Variants in SENP3 observed in about 807,000 individuals in gnomAD.
The protein encoded by SENP3 is SUMO specific peptidase 3.
SENP3 carries 11 observed loss-of-function variants against 66.2 expected under a neutral mutation model. The ratio of observed to expected loss-of-function variants is 0.17; its 90% CI spans 0.10 to 0.28. The LOEUF (loss-of-function observed/expected upper bound fraction) is 0.28, where lower values mean the gene tolerates loss of function less well. SENP3 is among the 10% of genes least tolerant of loss of function. SENP3 has a pLI of 1.00. For missense variants in SENP3, 548 were observed against 743.7 expected (o/e 0.74, Z 3.06); for synonymous variants, 292 against 277.6 (o/e 1.05, Z -0.52).
In SENP3 at chr17:7,563,406, G is replaced by GCGGCGCCC; in HGVS notation, c.331_332insGGCGCCCC (p.Pro111ArgfsTer23). The stretch of plus-strand genomic sequence containing the variant: ...GGAGTCAGCTGGGAACCTCCCAGCG[G>GCGGCGCCC]CCCCGCCCTTCCCGCCCCACTCATC... On this transcript the variant is annotated frameshift_variant, in exon 2 of 11. Transcript: ENST00000321337. LOFTEE classifies it high-confidence loss of function. 1.3e-6 allele frequency: 2 copies of GCGGCGCCC among 1,547,590 alleles called. No individual in the cohort carries two copies. The highest frequency in any genetic ancestry group is 1.7e-6 in the Non-Finnish European group (2 of 1,144,086).
intron 6 of SENP3, 110 bp from the exon 7 acceptor site, chr17:7,566,817 A>G: frequency 1.2e-6 from 1 of 834,710 alleles, no homozygotes; most frequent in Non-Finnish European, 2.0e-6. Flanking sequence ...CAAAAAAAAA[A>G]GAAAAAACCC....
rs1257131333 is a variant in SENP3 at position 7,563,478 on chromosome 17, G to A, written c.402G>A (p.Arg134=). Residue 134 remains arginine (R), a synonymous_variant, in exon 2 of 11, where the codon CGG becomes CGA. Coordinates refer to ENST00000321337, the MANE Select transcript of SENP3 (RefSeq NM_015670.6). ...QRRRRAMRAF[R]MLLYSKSTSL... is the part of the protein sequence containing the mutation. ...GCCGCCGAGCCATGAGAGCCTTCCGGATGCTGCTCTACTCAAAAAGCACCT... is the reference window on the plus strand; with the variant it reads ...GCCGCCGAGCCATGAGAGCCTTCCGAATGCTGCTCTACTCAAAAAGCACCT... The A allele has an allele frequency of 6.5e-7, 1 of 1,547,900 alleles. No homozygotes were observed. Among genetic ancestry groups the A allele is most frequent in the Non-Finnish European group, 8.7e-7 (1 of 1,145,566 alleles).
At chr17:7,565,180 G>T in intron 4 of SENP3, 110 bp downstream of exon 4, 2 of 933,440 alleles carry the variant, frequency 2.1e-6, no homozygotes, top group Non-Finnish European at 3.3e-6. Flanking sequence ...GGAAGCTAGA[G>T]CTGAAGGGGA....
rs750666585 is a variant in SENP3 at position 7,564,652 on chromosome 17, G to T, written c.743G>T (p.Gly248Val). The change falls in exon 3 of 11, where the codon GGT becomes GTT. Residue 248 changes from glycine to valine, a missense_variant. Around this residue, in one of 6 missense-constraint regions of SENP3, gnomAD observed 215 missense variants for 230.7 expected, o/e 0.93. Transcript: ENST00000321337. ...CTCCTTTCATGTACTCTGCCCAACGGTTTTGGGGGACAATCTGGGCCAGAA... is the reference window on the plus strand; with the variant it reads ...CTCCTTTCATGTACTCTGCCCAACGTTTTTGGGGGACAATCTGGGCCAGAA... ...SGLLSCTLPNGFGGQSGPEGE... is the reference protein window; with the variant it reads ...SGLLSCTLPNVFGGQSGPEGE... The T allele has an allele frequency of 1.9e-6, 3 of 1,613,994 alleles. No homozygotes were observed. In the East Asian group the frequency reaches 6.7e-5, roughly 36 times the overall value.
Position 7,570,802 on chromosome 17 carries a change from GGA to G in SENP3, c.1563+39_1563+40del. On this transcript the variant is annotated intron_variant, in intron 9 of 10. Transcript: ENST00000321337. The surrounding 1 kb of genome is among the most constrained non-coding windows in gnomAD (Gnocchi z 5.4). ...AGGGAGGGGTATAGGGTGTTGGTGG[GGA>G]CAGTGGTAGAAGGCAGAAATTGAAG... The G allele has an allele frequency of 6.2e-7, 1 of 1,603,512 alleles. No homozygotes were observed. Among genetic ancestry groups the G allele is most frequent in the South Asian group, 1.1e-5 (1 of 89,876 alleles).
intron 5 of SENP3, 51 bp downstream of exon 5, chr17:7,565,638 G>A (rs1399962178): frequency 6.2e-7 from 1 of 1,613,262 alleles, no homozygotes; most frequent in Non-Finnish European, 8.5e-7. Context: ...GGAGCAGGGT[G>A]TCTGGGGCCC....
intron 7 of SENP3, among the ~76,000 whole-genome samples, chr17:7,569,034 T>C (rs2071290023): frequency 6.6e-6 from 1 of 152,198 alleles, no homozygotes; most frequent in South Asian, 2.1e-4. Flanking sequence ...CACAAACACT[T>C]CTTGGTGACC....
rs2071228390 is a variant in SENP3 at position 7,562,660 on chromosome 17, T to G, written c.-12+397T>G. ...GAACTGTCTCCCATTCCAGTCCAGT[T>G]TCCACGTGCAAGTTGCATTCTCCTC... On this transcript the variant is annotated intron_variant, in intron 1 of 10. Transcript: ENST00000321337. The surrounding 1 kb of genome is among the most constrained non-coding windows in gnomAD (Gnocchi z 5.0). 6.6e-6 allele frequency among the ~76,000 whole-genome samples: 1 copy of G among 152,200 alleles called. No individual in the cohort carries two copies. The highest frequency in any genetic ancestry group is 2.1e-4 in the South Asian group (1 of 4,820).
Position 7,562,994 on chromosome 17 carries a change from G to A in SENP3, c.-11-72G>A. 2 of 1,353,580 alleles carry A rather than the reference G, an allele frequency of 1.5e-6. No homozygotes were observed. The highest frequency in any genetic ancestry group is 1.5e-5 in the African/African-American group (1 of 66,206). The allele number at this position is 1,353,580 out of a possible 1,614,324, so 83.8% of individuals were successfully genotyped here. ...TTGCATCTGAATCCAGAGGAGGCAT[G>A]GCCAGGAAGAGAGGCAGGATCTGCG... On this transcript the variant is annotated intron_variant, in intron 1 of 10. Coordinates refer to ENST00000321337, the MANE Select transcript of SENP3 (RefSeq NM_015670.6). This position sits in a 1 kb window ranked among gnomAD's most constrained non-coding sequence, Gnocchi z 5.0.
chr17:7,565,425 C>T lies in SENP3; in HGVS notation c.1068-15C>T, dbSNP rs768962617. The T allele has an allele frequency of 1.2e-6, 2 of 1,613,152 alleles. No homozygotes were observed. The highest frequency in any genetic ancestry group is 2.2e-5 in the South Asian group (2 of 90,824). On this transcript the variant is annotated splice_polypyrimidine_tract_variant and intron_variant, in intron 4 of 10. Transcript: ENST00000321337. ...TGCATCATCTTTTGTGTGACTCCACCCTTGGCCTACTCAGGAAGGGCCTGG... is the reference window on the plus strand; with the variant it reads ...TGCATCATCTTTTGTGTGACTCCACTCTTGGCCTACTCAGGAAGGGCCTGG...
chr17:7,568,515 G>A (rs2071285456), intron 7 of SENP3, among the ~76,000 whole-genome samples: 1 of 152,162 alleles, frequency 6.6e-6, no homozygotes. Context: ...CTTGAACCCG[G>A]GAGGCAGAGG....
chr17:7,567,467 C>T lies in SENP3; in HGVS notation c.1341+463C>T, dbSNP rs180684211. ...CTGGGAGGCAGAGGTTGCAGTGAGCCGAGACCCCGCCATTGCACTCCAGCC... is the reference window on the plus strand; with the variant it reads ...CTGGGAGGCAGAGGTTGCAGTGAGCTGAGACCCCGCCATTGCACTCCAGCC... On this transcript the variant is annotated intron_variant, in intron 7 of 10. Transcript: ENST00000321337. Among the ~76,000 whole-genome samples the T allele has an allele frequency of 3.4e-3, 517 of 151,220 alleles. 1 individual carries two copies. Among genetic ancestry groups the T allele is most frequent in the Non-Finnish European group, 5.2e-3 (356 of 67,870 alleles).
At chr17:7,568,735 G>A (rs532776955) in intron 7 of SENP3, among the ~76,000 whole-genome samples, 1 of 152,276 alleles carries the variant, frequency 6.6e-6, no homozygotes, top group Non-Finnish European at 1.5e-5. Context: ...ACTACCCTTT[G>A]TTAATAAACT....
intron 5 of SENP3, 61 bp from the exon 6 acceptor site, chr17:7,565,656 G>A: frequency 6.2e-7 from 1 of 1,612,860 alleles, no homozygotes; most frequent in South Asian, 1.1e-5. Context: ...CCCTCTGCAT[G>A]GGGGAGCCCT....
chr17:7,563,396 C>T lies in SENP3; in HGVS notation c.320C>T (p.Thr107Ile), dbSNP rs1567727995. The T allele has an allele frequency of 1.3e-6, 2 of 1,550,904 alleles. No individual in the cohort carries two copies. Among genetic ancestry groups the T allele is most frequent in the Non-Finnish European group, 1.7e-6 (2 of 1,146,964 alleles). The change falls in exon 2 of 11, where the codon ACC becomes ATC. Residue 107 changes from threonine to isoleucine, a missense_variant. Thr to Ile is a moderately conservative substitution (Grantham distance 89). Around this residue, in one of 6 missense-constraint regions of SENP3, gnomAD observed 164 missense variants for 167.9 expected, o/e 0.98. Coordinates refer to ENST00000321337, the MANE Select transcript of SENP3 (RefSeq NM_015670.6). ...CCCCCAAGATGGAGTCAGCTGGGAA[C>T]CTCCCAGCGGCCCCGCCCTTCCCGC... The part of the protein sequence containing the change: ...RLPPRWSQLG[T>I]SQRPRPSRPT...
At chr17:7,568,506 T>G (rs991896440) in intron 7 of SENP3, among the ~76,000 whole-genome samples, 2 of 152,046 alleles carry the variant, frequency 1.3e-5, no homozygotes, top group African/African-American at 2.4e-5. Context: ...GGAGAATCGC[T>G]TGAACCCGGG....
chr17:7,566,851 G>T, intron 6 of SENP3, 76 bp from the exon 7 acceptor site: 2 of 1,048,014 alleles, frequency 1.9e-6, no homozygotes, highest in Non-Finnish European at 2.9e-6. Context: ...ACTGTCAGTG[G>T]ACTGAGGAGG....
Position 7,571,866 on chromosome 17 carries a change from T to C in SENP3, c.*383T>C, listed in dbSNP as rs866764418. 2 of 5,622 alleles carry C rather than the reference T, an allele frequency of 3.6e-4. No homozygotes were observed. The highest frequency in any genetic ancestry group is 1.0e-3 in the African/African-American group (2 of 1,966). 0.3% of individuals were successfully genotyped at this position (5,622 alleles called of 1,614,324 possible). A position where few individuals can be genotyped will look rare whatever the true frequency, so the allele number is the denominator to read the frequency against. ...ATATATATATATATATATATATATA[T>C]ATATATATATATATATATATATATA... On this transcript the variant is annotated 3_prime_UTR_variant, in exon 11 of 11. Transcript: ENST00000321337.
chr17:7,563,350 G>A lies in SENP3; in HGVS notation c.274G>A (p.Glu92Lys), dbSNP rs375097225. 53 of 1,551,970 alleles carry A rather than the reference G, an allele frequency of 3.4e-5. No individual in the cohort carries two copies. The African/African-American group carries it at 5.5e-4, about 16-fold the overall frequency. Residue 92 changes from glutamate (E) to lysine (K), a missense_variant, in exon 2 of 11, where the codon GAA (glutamate) becomes AAA (lysine). This residue lies in a region of SENP3 where 164 missense variants were observed against 167.9 expected (regional missense o/e 0.98). Coordinates refer to ENST00000321337, the MANE Select transcript of SENP3 (RefSeq NM_015670.6). ...EEEEDEDEEE[E>K]VAAWRLPPRW... ...GGAGGAGGATGAAGATGAAGAGGAG[G>A]AAGTGGCAGCTTGGAGGCTGCCCCC...
Sources: gnomAD v4.1 joint callset for allele counts (sites outside exome capture counted in the v4.1 genomes callset) on GRCh38, gnomAD v4.1.1 for gene constraint, gnomAD v4.1.1 regional missense constraint, Gnocchi (gnomAD v3.1) non-coding constraint, MANE v1.5 for transcripts, NCBI Gene and HGNC (gene_info 2026-07-23, HGNC 2026-07-21) for gene names.